NCAPD2: variants seen among roughly 807,000 people sequenced by gnomAD.
The protein encoded by NCAPD2 is non-SMC condensin I complex subunit D2.
Under a neutral mutation model 164.5 loss-of-function variants are expected in NCAPD2, and 100 were observed. The observed-to-expected ratio is 0.61, with a 90% CI of 0.52 to 0.72. The LOEUF is 0.72. Ranked by LOEUF, NCAPD2 falls within the 30% of genes least tolerant of loss-of-function variation. The pLI, the probability that NCAPD2 is intolerant of heterozygous loss-of-function variation, is 0.00. For synonymous variants in NCAPD2, 585 were observed against 642.6 expected (o/e 0.91, Z 1.36); for missense variants, 1,560 against 1,749.2 (o/e 0.89, Z 1.93).
intron 14 of NCAPD2, 68 bp from the exon 15 acceptor site, chr12:6,521,730 G>T: frequency 6.5e-7 from 1 of 1,540,234 alleles, no homozygotes; most frequent in Non-Finnish European, 8.8e-7. Flanking sequence ...ATCCAGGAAT[G>T]TTGACAGCTG....
chr12:6,527,997 C>T lies in NCAPD2; in HGVS notation c.3049C>T (p.Leu1017Phe). The T allele has an allele frequency of 6.2e-7, 1 of 1,614,262 alleles. No individual in the cohort carries two copies. The highest frequency in any genetic ancestry group is 8.5e-7 in the Non-Finnish European group (1 of 1,180,044). ...ACAGACACTGGCTGCCTTTGTTCCACTCTTGCTTAAAGTCTGTAACAACCC... is the reference window on the plus strand; with the variant it reads ...ACAGACACTGGCTGCCTTTGTTCCATTCTTGCTTAAAGTCTGTAACAACCC... ...GKQTLAAFVP[L>F]LLKVCNNPGL... The change falls in exon 24 of 32, where the codon CTC becomes TTC. Residue 1017 changes from leucine (L) to phenylalanine (F), a missense_variant. Coordinates refer to ENST00000315579, the MANE Select transcript of NCAPD2 (RefSeq NM_014865.4).
At position 6,530,913 on chromosome 12, in the gene NCAPD2, T is replaced by C. The variant is rs755463522; in HGVS notation, c.3965-8T>C. On this transcript the variant is annotated splice_polypyrimidine_tract_variant and splice_region_variant and intron_variant, in intron 30 of 31. Coordinates refer to ENST00000315579, the MANE Select transcript of NCAPD2 (RefSeq NM_014865.4). ...CTTTTTTAAATCACGTTTTCCTGCC[T>C]TTTCTAGGTTCTAGGTACCAGCCTC... The C allele has an allele frequency of 6.8e-6, 11 of 1,613,362 alleles. No homozygotes were observed. In the Admixed American group the frequency reaches 1.8e-4, roughly 27 times the overall value.
chr12:6,524,948 C>T (rs1247781327), intron 17 of NCAPD2, among the ~76,000 whole-genome samples: 1 of 152,118 alleles, frequency 6.6e-6, no homozygotes, highest in Non-Finnish European at 1.5e-5. Flanking sequence ...CCGGCAAAAG[C>T]CCTACAAGAG....
At position 6,531,804 on chromosome 12, in the gene NCAPD2, CAAATTAAAA is replaced by C; in HGVS notation, c.*396_*404del. 4.4e-6 allele frequency: 1 copy of C among 229,252 alleles called. No homozygotes were observed. Among genetic ancestry groups the C allele is most frequent in the East Asian group, 1.3e-4 (1 of 7,696 alleles). 14.2% of individuals were successfully genotyped at this position (229,252 alleles called of 1,614,324 possible). ...GGGCAACAATAGCGAACCTCCATCT[CAAATTAAAA>C]AAAAAATGCCTACACGCTCTTTAAA... On this transcript the variant is annotated 3_prime_UTR_variant, in exon 32 of 32. Coordinates refer to ENST00000315579, the MANE Select transcript of NCAPD2 (RefSeq NM_014865.4). The surrounding 1 kb of genome is among the most constrained non-coding windows in gnomAD (Gnocchi z 4.1).
rs371262901 is a variant in NCAPD2 at position 6,517,977 on chromosome 12, A to T, written c.1589+18A>T. 2 of 1,609,038 alleles carry T rather than the reference A, an allele frequency of 1.2e-6. No homozygotes were observed. Among genetic ancestry groups the T allele is most frequent in the African/African-American group, 1.3e-5 (1 of 74,818 alleles). ...AGTTACAAGTAGGCAAAAGAATGGG[A>T]TATTCTTCGTGATCTGTTTATGTTT... On this transcript the variant is annotated intron_variant, in intron 13 of 31. Coordinates refer to ENST00000315579, the MANE Select transcript of NCAPD2 (RefSeq NM_014865.4).
chr12:6,521,759 C>G (rs764992371), intron 14 of NCAPD2, 39 bp from the exon 15 acceptor site: 13 of 1,606,010 alleles, frequency 8.1e-6, no homozygotes, highest in Non-Finnish European at 1.1e-5. Context: ...CCCTGTATCC[C>G]CTTGAACGAA....
intron 22 of NCAPD2, among the ~76,000 whole-genome samples, chr12:6,527,337 C>T (rs888874571): frequency 3.9e-5 from 6 of 152,244 alleles, no homozygotes; most frequent in African/African-American, 1.4e-4. Flanking sequence ...TTTGTTAGAA[C>T]ACGCACGTAC....
chr12:6,495,149 G>A lies in NCAPD2; in HGVS notation c.51G>A (p.Leu17=), dbSNP rs141314520. 103 of 1,614,164 alleles carry A rather than the reference G, an allele frequency of 6.4e-5. No individual in the cohort carries two copies. In the African/African-American group the frequency reaches 1.2e-3, roughly 19 times the overall value. The change falls in exon 2 of 32, where the codon TTG becomes TTA. Residue 17 remains leucine, a synonymous_variant. Coordinates refer to ENST00000315579, the MANE Select transcript of NCAPD2 (RefSeq NM_014865.4). ...EFHLPLSPEE[L]LKSGGVNQYV... is the part of the protein sequence containing the mutation. The stretch of plus-strand genomic sequence containing the variant: ...ATCTGCCATTATCCCCAGAGGAGTT[G>A]TTGAAAAGTGGAGGGGTGAATCAGT...
intron 9 of NCAPD2, 104 bp from the exon 10 acceptor site, chr12:6,516,724 C>T (rs1196439771): frequency 2.7e-6 from 3 of 1,097,478 alleles, no homozygotes; most frequent in Non-Finnish European, 4.0e-6. Flanking sequence ...CTCCTGTGAC[C>T]TTGGGAGTGA....
At position 6,516,907 on chromosome 12, in the gene NCAPD2, C is replaced by T; in HGVS notation, c.1067C>T (p.Ala356Val). 6.2e-7 allele frequency: 1 copy of T among 1,614,166 alleles called. No individual in the cohort carries two copies. The highest frequency in any genetic ancestry group is 1.1e-5 in the South Asian group (1 of 91,086). ...GTTCTCAGTGGCGATCAACTGGAAG[C>T]AGCAGCCCGAGACACCAGAGACCAG... ...LQVLSGDQLE[A>V]AARDTRDQFL... The change falls in exon 10 of 32, where the codon GCA (alanine) becomes GTA (valine). Residue 356 changes from alanine (A) to valine (V), a missense_variant. Transcript: ENST00000315579.
Position 6,514,474 on chromosome 12 carries a change from G to A in NCAPD2, c.726G>A (p.Val242=), listed in dbSNP as rs1452856630. The change falls in exon 8 of 32, where the codon GTG becomes GTA. Residue 242 remains valine (V), a synonymous_variant. Coordinates refer to ENST00000315579, the MANE Select transcript of NCAPD2 (RefSeq NM_014865.4). ...TTAATGCTTCCACAGGTGCTACAGT[G>A]AAGATCATCCAGATGCTGCAGCACT... ...TRYNHMLSAT[V]KIIQMLQHFE... 2.5e-6 allele frequency: 4 copies of A among 1,614,206 alleles called. No individual in the cohort carries two copies. Among genetic ancestry groups the A allele is most frequent in the Non-Finnish European group, 2.5e-6 (3 of 1,180,038 alleles).
chr12:6,531,261 C>G lies in NCAPD2; in HGVS notation c.4121-66C>G. On this transcript the variant is annotated intron_variant, in intron 31 of 31. Coordinates refer to ENST00000315579, the MANE Select transcript of NCAPD2 (RefSeq NM_014865.4). The surrounding 1 kb of genome is among the most constrained non-coding windows in gnomAD (Gnocchi z 4.1). ...GGTGTGGGATTGTCTCACTTGTTCT[C>G]TGATATCTATTTTTTCACCATCTTT... 1 of 1,540,234 alleles carries G rather than the reference C, an allele frequency of 6.5e-7. No individual in the cohort carries two copies. The highest frequency in any genetic ancestry group is 1.1e-5 in the South Asian group (1 of 88,124).
chr12:6,498,312 A>T (rs1008570738), intron 2 of NCAPD2, among the ~76,000 whole-genome samples: 1 of 152,252 alleles, frequency 6.6e-6, no homozygotes, highest in African/African-American at 2.4e-5. Flanking sequence ...AATTCATTTA[A>T]CAAGTATTTA....
At chr12:6,510,834 G>C (rs751354792) in intron 5 of NCAPD2, 24 bp downstream of exon 5, 10 of 1,611,486 alleles carry the variant, frequency 6.2e-6, no homozygotes, top group Non-Finnish European at 8.5e-6. Context: ...TTGGGCTCAC[G>C]TTATATGGGG....
intron 27 of NCAPD2, 182 bp from the exon 28 acceptor site, chr12:6,529,331 C>G (rs974152316): frequency 1.6e-6 from 1 of 641,470 alleles, no homozygotes; most frequent in Non-Finnish European, 2.7e-6. Context: ...ATTCCTGAGC[C>G]GGGGGCGGGG....
intron 9 of NCAPD2, among the ~76,000 whole-genome samples, chr12:6,516,184 A>G (rs763846727): frequency 4.0e-5 from 6 of 150,324 alleles, no homozygotes; most frequent in Non-Finnish European, 5.9e-5. Flanking sequence ...TGACAAAACG[A>G]GACTCTGTCT....
chr12:6,519,255 G>A (rs1946241818), intron 13 of NCAPD2, among the ~76,000 whole-genome samples: 1 of 152,144 alleles, frequency 6.6e-6, no homozygotes, highest in South Asian at 2.1e-4. Flanking sequence ...TTACTTTAGT[G>A]TCTCTCTTTT....
At position 6,516,893 on chromosome 12, in the gene NCAPD2, C is replaced by T. The variant is rs1221586785; in HGVS notation, c.1053C>T (p.Gly351=). Residue 351 remains glycine (G), a synonymous_variant, in exon 10 of 32, where the codon GGC becomes GGT. Transcript: ENST00000315579. ...MAEMVLQVLS[G]DQLEAAARDT... is the part of the protein sequence containing the mutation. ...AGATGGTGCTGCAGGTTCTCAGTGG[C>T]GATCAACTGGAAGCAGCAGCCCGAG... The T allele has an allele frequency of 3.7e-6, 6 of 1,614,088 alleles. No homozygotes were observed. The highest frequency in any genetic ancestry group is 2.2e-5 in the East Asian group (1 of 44,876).
intron 29 of NCAPD2, 146 bp downstream of exon 29, chr12:6,530,104 A>G: frequency 1.3e-6 from 1 of 767,252 alleles, no homozygotes; most frequent in Non-Finnish European, 2.0e-6. Context: ...AGAGTGACCT[A>G]AGACCAGATC....
Sources: gnomAD v4.1 joint callset for allele counts (sites outside exome capture counted in the v4.1 genomes callset) on GRCh38, gnomAD v4.1.1 for gene constraint, Gnocchi (gnomAD v3.1) non-coding constraint, MANE v1.5 for transcripts, NCBI Gene and HGNC (gene_info 2026-07-23, HGNC 2026-07-21) for gene names.